Variants in ECPAS observed in about 807,000 individuals in gnomAD.
ECPAS encodes Ecm29 proteasome adaptor and scaffold, also known as proteasome adapter and scaffold protein ECM29.
Under a neutral mutation model 255.1 loss-of-function variants are expected in ECPAS, and 70 were observed. That is an observed-to-expected ratio of 0.27 (90% CI 0.23 to 0.33). The LOEUF (loss-of-function observed/expected upper bound fraction) is 0.33. Among genes scored for constraint, ECPAS ranks in the 10% least tolerant of loss-of-function variants. The pLI is 1.00. For synonymous variants in ECPAS, 784 were observed against 775.0 expected (o/e 1.01, Z -0.19); for missense variants, 1,817 against 2,206.4 (o/e 0.82, Z 3.54).
chr9:111,378,693 C>T lies in ECPAS; in HGVS notation c.3841G>A (p.Ala1281Thr), dbSNP rs775162214. The T allele has an allele frequency of 1.2e-6, 2 of 1,613,678 alleles. No individual in the cohort carries two copies. The highest frequency in any genetic ancestry group is 2.2e-5 in the East Asian group (1 of 44,850). ...TLVKISKSAG[A>T]MLKPHAPKLI... ...TTTGGTGCATGCGGTTTCAACATGG[C>T]TCCTGCACTTTTGCTGATCTTCACA... Residue 1281 changes from alanine (A) to threonine (T), a missense_variant, in exon 36 of 50, where the codon GCC (alanine) becomes ACC (threonine). Physicochemically the swap from Ala to Thr is moderately conservative, Grantham distance 58. Around this residue, in one of 4 missense-constraint regions of ECPAS, gnomAD observed 960 missense variants for 1,179.0 expected, o/e 0.81. Transcript: ENST00000684092.
intron 1 of ECPAS, among the ~76,000 whole-genome samples, chr9:111,480,296 T>TC (rs2098302771): frequency 2.1e-5 from 3 of 140,472 alleles, no homozygotes; most frequent in South Asian, 2.4e-4. Context: ...CCTTTTCTTT[T>TC]TTTTTTTTTT....
Position 111,389,580 on chromosome 9 carries a change from A to G in ECPAS, c.3423T>C (p.Asn1141=). 1.2e-6 allele frequency: 2 copies of G among 1,613,626 alleles called. No homozygotes were observed. Among genetic ancestry groups the G allele is most frequent in the Non-Finnish European group, 1.7e-6 (2 of 1,179,720 alleles). The change falls in exon 31 of 50, where the codon AAT becomes AAC. Residue 1141 remains asparagine, a synonymous_variant. Transcript: ENST00000684092. ...GIRQAMTSIW[N]ALVTDKSMVD... ...CCATGGATTTGTCAGTGACCAACGCATTCCAAATACTTGTCATGGCCTGTC... is the reference window on the plus strand; with the variant it reads ...CCATGGATTTGTCAGTGACCAACGCGTTCCAAATACTTGTCATGGCCTGTC...
Position 111,394,286 on chromosome 9 carries a change from C to G in ECPAS, c.2796G>C (p.Val932=). The change falls in exon 26 of 50, where the codon GTG becomes GTC. Residue 932 remains valine (V), a synonymous_variant. Coordinates refer to ENST00000684092, the MANE Select transcript of ECPAS (RefSeq NM_001364929.1). ...TPPAGAKVND[V]VPWVLDVILN... is the part of the protein sequence containing the mutation. ...AAATCACATCCAACACCCATGGAAC[C>G]ACATCATTCACTTTGGCTCCTGGGG... is the stretch of plus-strand genomic sequence containing the variant. 6.5e-7 allele frequency: 1 copy of G among 1,543,260 alleles called. No individual in the cohort carries two copies.
At chr9:111,455,982 G>C (rs1452931874) in intron 2 of ECPAS, among the ~76,000 whole-genome samples, 1 of 152,164 alleles carries the variant, frequency 6.6e-6, no homozygotes, top group Non-Finnish European at 1.5e-5. Flanking sequence ...GGCGAACTGG[G>C]AGTCTCCTGG....
intron 46 of ECPAS, 73 bp from the exon 47 acceptor site, chr9:111,366,700 C>T: frequency 2.1e-6 from 2 of 932,912 alleles, no homozygotes; most frequent in East Asian, 5.0e-5. Flanking sequence ...AAATGAGGGA[C>T]AGGCAGAGAG....
At chr9:111,468,624 T>TGA (rs2098282331) in intron 2 of ECPAS, among the ~76,000 whole-genome samples, 1 of 142,696 alleles carries the variant, frequency 7.0e-6, no homozygotes, top group Non-Finnish European at 1.5e-5. Context: ...GCAAAGAGAG[T>TGA]GAGTGAGAGA....
At chr9:111,390,836 C>G (rs559995830) in intron 29 of ECPAS, among the ~76,000 whole-genome samples, 2 of 152,194 alleles carry the variant, frequency 1.3e-5, no homozygotes, top group Non-Finnish European at 2.9e-5. Flanking sequence ...ATTTTAAATG[C>G]TAAAGTAGTG....
At chr9:111,404,568 TTG>T (rs1016939081) in intron 24 of ECPAS, among the ~76,000 whole-genome samples, 5 of 149,064 alleles carry the variant, frequency 3.4e-5, no homozygotes, top group Admixed American at 6.6e-5. Flanking sequence ...ACCTCCCGCT[TTG>T]TTATTTTTCT....
chr9:111,483,581 G>A (rs997412950), intron 1 of ECPAS: 10 of 220,554 alleles, frequency 4.5e-5, no homozygotes, highest in South Asian at 1.6e-4. Flanking sequence ...GGCTGGGGGG[G>A]CAGGGCGCGG....
Position 111,440,225 on chromosome 9 carries a change from G to A in ECPAS, c.539+147C>T, listed in dbSNP as rs2098243942. 4.6e-6 allele frequency: 3 copies of A among 648,782 alleles called. No individual in the cohort carries two copies. The South Asian group carries it at 1.0e-4, about 22-fold the overall frequency. The allele number at this position is 648,782 out of a possible 1,614,324, so 40.2% of individuals were successfully genotyped here. On this transcript the variant is annotated intron_variant, in intron 6 of 49. Coordinates refer to ENST00000684092, the MANE Select transcript of ECPAS (RefSeq NM_001364929.1). The stretch of plus-strand genomic sequence containing the variant: ...TGTAAAGCCGATAAGCAGTGGAGCT[G>A]AAGTTTAGAAGAAAAAAATCTTTGT...
At chr9:111,483,825 G>A (rs1461510514) in intron 1 of ECPAS, 1 of 239,132 alleles carries the variant, frequency 4.2e-6, no homozygotes, top group Non-Finnish European at 6.7e-6. Flanking sequence ...GAATCCCCGT[G>A]CGCCAGGCCC....
intron 46 of ECPAS, among the ~76,000 whole-genome samples, chr9:111,368,554 GTAT>G (rs1211259504): frequency 6.6e-6 from 1 of 152,158 alleles, no homozygotes; most frequent in Non-Finnish European, 1.5e-5. Flanking sequence ...GAATTTGACT[GTAT>G]TATTATTAAA....
chr9:111,385,497 T>C (rs1350094794), intron 32 of ECPAS, 55 bp from the exon 33 acceptor site: 3 of 976,302 alleles, frequency 3.1e-6, no homozygotes, highest in Admixed American at 2.5e-5. Flanking sequence ...TATTTTACTA[T>C]GAAACATTTA....
intron 7 of ECPAS, among the ~76,000 whole-genome samples, chr9:111,435,087 C>T (rs1589194552): frequency 6.6e-6 from 1 of 150,690 alleles, no homozygotes; most frequent in Non-Finnish European, 1.5e-5. Flanking sequence ...TTAATAGAGA[C>T]GGGGTCTCAC....
chr9:111,443,106 T>A (rs971560124), intron 4 of ECPAS, among the ~76,000 whole-genome samples: 1 of 152,182 alleles, frequency 6.6e-6, no homozygotes, highest in Non-Finnish European at 1.5e-5. Context: ...TATTCCAAAA[T>A]CCAAAACATT....
intron 2 of ECPAS, among the ~76,000 whole-genome samples, chr9:111,459,243 G>T (rs1229571775): frequency 6.6e-6 from 1 of 151,626 alleles, no homozygotes; most frequent in African/African-American, 2.4e-5. Context: ...GTGGCAAGAA[G>T]AAATTATTAT....
At chr9:111,376,251 C>A (rs1325303528) in intron 37 of ECPAS, among the ~76,000 whole-genome samples, 1 of 152,126 alleles carries the variant, frequency 6.6e-6, no homozygotes, top group Non-Finnish European at 1.5e-5. Flanking sequence ...GTTGTTGTCT[C>A]TTGTAATACA....
intron 9 of ECPAS, among the ~76,000 whole-genome samples, chr9:111,428,369 AT>A (rs1247925870): frequency 6.6e-6 from 1 of 152,168 alleles, no homozygotes; most frequent in East Asian, 1.9e-4. Context: ...AAACTGAGAA[AT>A]TTTAACATAT....
rs776466136 is a variant in ECPAS, at chr9:111,366,621, T to C, written c.5120A>G (p.Tyr1707Cys). Reference sequence around the variant, plus strand: ...CATCAGTTTGCACAGCTCCTGACGATAACAACCTGGGAAAAAAAGACAAGG... The same window carrying C: ...CATCAGTTTGCACAGCTCCTGACGACAACAACCTGGGAAAAAAAGACAAGG... ...WPRNAETQRC[Y>C]RQELCKLMCE... The change falls in exon 47 of 50, where the codon TAT (tyrosine) becomes TGT (cysteine). Residue 1707 changes from tyrosine to cysteine, a missense_variant. Transcript: ENST00000684092. 6.8e-6 allele frequency: 11 copies of C among 1,610,794 alleles called. No individual in the cohort carries two copies. Among genetic ancestry groups the C allele is most frequent in the Non-Finnish European group, 1.7e-6 (2 of 1,178,228 alleles).
Sources: gnomAD v4.1 joint callset for allele counts (sites outside exome capture counted in the v4.1 genomes callset) on GRCh38, gnomAD v4.1.1 for gene constraint, gnomAD v4.1.1 regional missense constraint, MANE v1.5 for transcripts, NCBI Gene and HGNC (gene_info 2026-07-23, HGNC 2026-07-21) for gene names.